The following FGF13 variants were observed in gnomAD, a reference collection of about 807,000 sequenced individuals.
FGF13 encodes the protein fibroblast growth factor homologous factor 2.
Under a neutral mutation model 19.5 loss-of-function variants are expected in FGF13, and 2 were observed. The observed-to-expected ratio is 0.10, with a 90% CI of 0.04 to 0.32. FGF13 has a LOEUF of 0.32. Ranked by LOEUF, FGF13 falls within the 10% of genes least tolerant of loss-of-function variation. FGF13 has a pLI of 1.00. For missense variants in FGF13, 113 were observed against 192.7 expected, an observed-to-expected ratio of 0.59 and a Z score of 2.45; for synonymous variants, 72 against 76.9, an observed-to-expected ratio of 0.94 and a Z score of 0.33.
intron 1 of FGF13, among the ~76,000 whole-genome samples, chrX:138,906,545 G>C (rs764863402): frequency 1.8e-5 from 2 of 111,554 alleles, no homozygotes; most frequent in Non-Finnish European, 3.8e-5. Context: ...TTAATAAACA[G>C]ATAAAAAGCA....
intron 1 of FGF13, among the ~76,000 whole-genome samples, chrX:138,924,772 A>G (rs1190487921): frequency 4.6e-5 from 5 of 109,261 alleles, no homozygotes; most frequent in Non-Finnish European, 9.5e-5. Flanking sequence ...AGGAAACCGT[A>G]AGGGACATCC....
At chrX:138,904,996 C>G (rs547357107) in intron 1 of FGF13, among the ~76,000 whole-genome samples, 2 of 111,662 alleles carry the variant, frequency 1.8e-5, no homozygotes, top group Middle Eastern at 9.2e-3. Context: ...TCTCAGTTAA[C>G]TCACAGTAAA....
intron 1 of FGF13, among the ~76,000 whole-genome samples, chrX:139,166,488 T>C (rs895434061): frequency 8.9e-6 from 1 of 111,825 alleles, no homozygotes; most frequent in Non-Finnish European, 1.9e-5. Flanking sequence ...TGGACTAATA[T>C]AGTGCTGAAA....
chrX:138,817,017 AT>A (rs1364465440), intron 3 of FGF13, among the ~76,000 whole-genome samples: 6 of 112,468 alleles, frequency 5.3e-5, no homozygotes, highest in African/African-American at 1.6e-4. Flanking sequence ...TTTACAAATC[AT>A]TAATCACACT....
chrX:138,843,934 A>AG (rs2091165640), intron 3 of FGF13, among the ~76,000 whole-genome samples: 1 of 111,909 alleles, frequency 8.9e-6, no homozygotes, highest in African/African-American at 3.2e-5. Context: ...CTTAGGATCA[A>AG]CATTCACAAA....
chrX:139,181,612 T>G (rs1463459619), intron 1 of FGF13, among the ~76,000 whole-genome samples: 1 of 112,436 alleles, frequency 8.9e-6, no homozygotes, highest in Non-Finnish European at 1.9e-5. Context: ...AGTCTGCCAC[T>G]CCATGAGCAT....
At chrX:138,744,607 T>G (rs1394402358) in intron 3 of FGF13, among the ~76,000 whole-genome samples, 1 of 111,213 alleles carries the variant, frequency 9.0e-6, no homozygotes, top group East Asian at 2.9e-4. Context: ...TGCTTGACAT[T>G]TTTTGGCAGC....
chrX:138,764,809 T>C (rs1373302005), intron 3 of FGF13, among the ~76,000 whole-genome samples: 1 of 112,279 alleles, frequency 8.9e-6, no homozygotes, highest in Non-Finnish European at 1.9e-5. Flanking sequence ...GTGGTTAACT[T>C]TACCTTTATT....
Position 138,875,995 on chromosome X carries a change from T to TACACAC in FGF13, c.-112-11351_-112-11346dup, listed in dbSNP as rs749175408. Among the ~76,000 whole-genome samples the TACACAC allele has an allele frequency of 7.4e-3, 723 of 98,043 alleles. 3 individuals carry two copies. The highest frequency in any genetic ancestry group is 0.019 in the African/African-American group (524 of 27,000). The allele number at this position is 98,043 out of a possible 115,157, so 85.1% of individuals were successfully genotyped here. ...TTATTATTATCTCCCTATCGGCTTG[T>TACACAC]ACACACACACACACACACACACACA... On this transcript the variant is annotated intron_variant, in intron 1 of 2. Transcript: ENST00000421460.
At chrX:139,072,932 G>T (rs551129646) in intron 1 of FGF13, among the ~76,000 whole-genome samples, 1 of 111,308 alleles carries the variant, frequency 9.0e-6, no homozygotes, top group Non-Finnish European at 1.9e-5. Flanking sequence ...TGCATTTTGC[G>T]TGATTTCTTC....
chrX:138,702,329 CT>C (rs1385807635), intron 3 of FGF13, among the ~76,000 whole-genome samples: 3 of 111,645 alleles, frequency 2.7e-5, no homozygotes, highest in Non-Finnish European at 5.6e-5. Context: ...TAAATGTTAA[CT>C]TTTTTTAAAG....
At chrX:138,844,152 GT>G (rs1217840703) in intron 3 of FGF13, among the ~76,000 whole-genome samples, 5 of 112,237 alleles carry the variant, frequency 4.5e-5, no homozygotes, top group Admixed American at 1.9e-4. Context: ...CACATGTAAT[GT>G]CATCTTGATT....
At chrX:139,045,007 T>C (rs1327111800) in intron 1 of FGF13, among the ~76,000 whole-genome samples, 1 of 112,431 alleles carries the variant, frequency 8.9e-6, no homozygotes, top group African/African-American at 3.2e-5. Flanking sequence ...GTAGATGTTC[T>C]CTGTGGGGGC....
chrX:139,141,102 TACACACACACACAC>T (rs748785543), intron 1 of FGF13, among the ~76,000 whole-genome samples: 1 of 97,180 alleles, frequency 1.0e-5, no homozygotes, highest in Non-Finnish European at 2.1e-5. Context: ...GATAAGAGTG[TACACACACACACAC>T]ACACACACAC....
intron 1 of FGF13, among the ~76,000 whole-genome samples, chrX:138,727,338 C>T (rs1183915615): frequency 9.1e-6 from 1 of 109,841 alleles, no homozygotes; most frequent in African/African-American, 3.3e-5. Context: ...CTAGTTCAGG[C>T]CCCCCAGGCA....
intron 3 of FGF13, among the ~76,000 whole-genome samples, chrX:138,675,557 T>C (rs2089656292): frequency 8.9e-6 from 1 of 111,838 alleles, no homozygotes; most frequent in Admixed American, 9.5e-5. Flanking sequence ...ATATAAATGT[T>C]ATAAAATAAG....
At chrX:138,910,923 C>G (rs1367616689) in intron 1 of FGF13, among the ~76,000 whole-genome samples, 1 of 110,946 alleles carries the variant, frequency 9.0e-6, no homozygotes, top group Non-Finnish European at 1.9e-5. Context: ...TTTCCTAAAC[C>G]TATTGGCCTC....
chrX:139,066,851 T>C (rs1032898766), intron 1 of FGF13, among the ~76,000 whole-genome samples: 1 of 109,549 alleles, frequency 9.1e-6, no homozygotes, highest in African/African-American at 3.3e-5. Context: ...CAGGCCAATA[T>C]CCCTGATGAA....
chrX:139,141,926 T>C (rs952137679), intron 1 of FGF13, among the ~76,000 whole-genome samples: 1 of 111,917 alleles, frequency 8.9e-6, no homozygotes, highest in African/African-American at 3.2e-5. Flanking sequence ...TCTATGAAAG[T>C]AGTAATGTCA....
Sources: allele counts gnomAD v4.1 joint callset (sites outside exome capture counted in the v4.1 genomes callset), GRCh38; gene constraint gnomAD v4.1.1; transcripts MANE v1.5; gene names NCBI Gene and HGNC (gene_info 2026-07-23, HGNC 2026-07-21).